The following CEACAM21 variants were observed in gnomAD, a reference collection of about 807,000 sequenced individuals.
CEACAM21 encodes the protein CEA cell adhesion molecule 21, also known as cell adhesion molecule CEACAM21.
Under a neutral mutation model 33.2 loss-of-function variants are expected in CEACAM21, and 38 were observed. The ratio of observed to expected loss-of-function variants is 1.14; its 90% CI spans 0.88 to 1.50. CEACAM21 has a LOEUF of 1.50. Ranked by LOEUF, CEACAM21 falls within the 40% of genes most tolerant of loss-of-function variation. The probability of loss-of-function intolerance (pLI) is 0.00; values close to 1 mark genes in which losing one functional copy is unlikely to be tolerated. For missense variants in CEACAM21, 385 were observed against 364.6 expected (o/e 1.06, Z -0.46); for synonymous variants, 156 against 143.0 (o/e 1.09, Z -0.65).
chr19:41,561,318 A>G (rs1236101754), intron 1 of CEACAM21, among the ~76,000 whole-genome samples: 1 of 152,130 alleles, frequency 6.6e-6, no homozygotes, highest in Admixed American at 6.5e-5. Context: ...ATTAAAAAAA[A>G]TTTGTAATAG....
intron 1 of CEACAM21, chr19:41,551,520 C>G (rs10413527): frequency 0.78 from 118,982 of 152,132 alleles, 46,710 homozygotes; most frequent in East Asian, 0.99. Context: ...GTGTGCCGAG[C>G]AGGGGAGGCT....
At chr19:41,552,298 T>C (rs1228793481) in intron 1 of CEACAM21, 1 of 152,188 alleles carries the variant, frequency 6.6e-6, no homozygotes, top group African/African-American at 2.4e-5. Flanking sequence ...GGGGGGTTCC[T>C]TTAGACCCCC....
At chr19:41,584,260 C>G (rs1292644426) in intron 3 of CEACAM21, 87 bp from the exon 4 acceptor site, 4 of 1,136,818 alleles carry the variant, frequency 3.5e-6, no homozygotes, top group Non-Finnish European at 5.2e-6. Context: ...TTTCCTTCCT[C>G]CCTGACCATG....
At chr19:41,577,580 T>C in intron 2 of CEACAM21, 21 bp downstream of exon 2, 1 of 1,610,738 alleles carries the variant, frequency 6.2e-7, no homozygotes, top group Non-Finnish European at 8.5e-7. Flanking sequence ...CCTCCGTGCC[T>C]CTGGGTGTTG....
At chr19:41,576,799 G>A (rs1158166041) in intron 1 of CEACAM21, among the ~76,000 whole-genome samples, 1 of 152,134 alleles carries the variant, frequency 6.6e-6, no homozygotes, top group African/African-American at 2.4e-5. Context: ...CAATCTCATG[G>A]GGGGGAAGAC....
At chr19:41,583,616 T>G (rs978724891) in intron 3 of CEACAM21, among the ~76,000 whole-genome samples, 8 of 152,174 alleles carry the variant, frequency 5.3e-5, no homozygotes, top group Admixed American at 5.2e-4. Flanking sequence ...GAAAGGCATG[T>G]CTTACATGGC....
chr19:41,583,422 T>A (rs1178330781), intron 3 of CEACAM21, among the ~76,000 whole-genome samples: 1 of 152,182 alleles, frequency 6.6e-6, no homozygotes, highest in Non-Finnish European at 1.5e-5. Flanking sequence ...AGTTCCAAAG[T>A]CACTTCCACA....
intron 2 of CEACAM21, 94 bp downstream of exon 2, chr19:41,577,653 T>C: frequency 2.6e-6 from 4 of 1,556,018 alleles, no homozygotes; most frequent in Non-Finnish European, 3.5e-6. Flanking sequence ...CATCCCCCTC[T>C]GCATTACGTC....
At chr19:41,559,355 A>G (rs2041729680) in intron 1 of CEACAM21, among the ~76,000 whole-genome samples, 1 of 152,236 alleles carries the variant, frequency 6.6e-6, no homozygotes, top group South Asian at 2.1e-4. Context: ...TTAAAATTTG[A>G]GAATATGTCT....
At chr19:41,556,325 G>T (rs1038171973) in intron 1 of CEACAM21, among the ~76,000 whole-genome samples, 1 of 152,076 alleles carries the variant, frequency 6.6e-6, no homozygotes, top group Non-Finnish European at 1.5e-5. Flanking sequence ...AGATTCAGGG[G>T]GTACATGTGC....
At position 41,560,846 on chromosome 19, in the gene CEACAM21, G is replaced by A. The variant is rs182034745; in HGVS notation, c.-778-3836G>A. Among the ~76,000 whole-genome samples the A allele has an allele frequency of 1.1e-4, 16 of 152,256 alleles. No individual in the cohort carries two copies. In the South Asian group the frequency reaches 1.4e-3, roughly 14 times the overall value. ...GAATTACCTCAATCTAAAAAAGAGC[G>A]TCTACAAAATGCTACAGAAAGCATG... On this transcript the variant is annotated intron_variant, in intron 1 of 7. Transcript: ENST00000407170.
intron 1 of CEACAM21, among the ~76,000 whole-genome samples, chr19:41,553,499 T>C (rs2041352257): frequency 6.6e-6 from 1 of 152,132 alleles, no homozygotes; most frequent in Non-Finnish European, 1.5e-5. Context: ...GCAAGAATAA[T>C]TATTTTTCAC....
upstream of CEACAM21, among the ~76,000 whole-genome samples, chr19:41,575,297 T>C (rs572178786): frequency 6.6e-6 from 1 of 152,296 alleles, no homozygotes; most frequent in African/African-American, 2.4e-5. Flanking sequence ...AGAATTAGTA[T>C]CATTTAATTC....
At chr19:41,575,150 T>C (rs1038582353), upstream of CEACAM21, among the ~76,000 whole-genome samples, 3 of 151,688 alleles carry the variant, frequency 2.0e-5, no homozygotes, top group Admixed American at 2.0e-4. Flanking sequence ...TTCACAGAGA[T>C]TGATAGTATC....
chr19:41,563,070 T>C (rs1038011790), intron 1 of CEACAM21, among the ~76,000 whole-genome samples: 6 of 152,072 alleles, frequency 3.9e-5, no homozygotes, highest in Non-Finnish European at 8.8e-5. Flanking sequence ...CATAACGAAA[T>C]ATATGGTTTT....
upstream of CEACAM21, among the ~76,000 whole-genome samples, chr19:41,573,979 C>T (rs1176556257): frequency 6.6e-6 from 1 of 152,208 alleles, no homozygotes; most frequent in Non-Finnish European, 1.5e-5. Flanking sequence ...AAACAGTGTG[C>T]TTCTGGCACA....
intron 1 of CEACAM21, among the ~76,000 whole-genome samples, chr19:41,555,842 C>A (rs1236464352): frequency 2.0e-5 from 3 of 152,162 alleles, no homozygotes; most frequent in Non-Finnish European, 2.9e-5. Context: ...AACAAGGAGC[C>A]CCCTGCAATC....
chr19:41,586,151 C>T (rs2070721483), intron 6 of CEACAM21: 1 of 598,018 alleles, frequency 1.7e-6, no homozygotes, highest in Non-Finnish European at 3.0e-6. Flanking sequence ...CTCCCCTGCC[C>T]AGATTCCCCT....
chr19:41,559,281 A>G (rs1240147011), intron 1 of CEACAM21, among the ~76,000 whole-genome samples: 1 of 152,240 alleles, frequency 6.6e-6, no homozygotes, highest in Non-Finnish European at 1.5e-5. Flanking sequence ...AAGTATAACC[A>G]GAAAATGTAT....
Sources: gnomAD v4.1 joint callset for allele counts (sites outside exome capture counted in the v4.1 genomes callset) on GRCh38, gnomAD v4.1.1 for gene constraint, MANE v1.5 for transcripts, NCBI Gene and HGNC (gene_info 2026-07-23, HGNC 2026-07-21) for gene names.